The following CFAP299 variants were observed in gnomAD, a reference collection of about 807,000 sequenced individuals.
CFAP299 encodes the protein cilia- and flagella-associated protein 299.
CFAP299 carries 21 observed loss-of-function variants against 27.0 expected under a neutral mutation model. The observed-to-expected ratio is 0.78, with a 90% CI of 0.55 to 1.12. The LOEUF is 1.12. Among genes scored for constraint, CFAP299 ranks in the 50% most tolerant of loss-of-function variants. The pLI is 0.00. For missense variants in CFAP299, 310 were observed against 276.6 expected, an observed-to-expected ratio of 1.12 and a Z score of -0.86; for synonymous variants, 104 against 98.1, an observed-to-expected ratio of 1.06 and a Z score of -0.36.
At chr4:80,463,072 G>T (rs893416893) in intron 2 of CFAP299, among the ~76,000 whole-genome samples, 3 of 152,062 alleles carry the variant, frequency 2.0e-5, no homozygotes, top group Non-Finnish European at 4.4e-5. Context: ...AAAAGAAATT[G>T]CCTGCTTCCC....
chr4:80,555,826 G>T (rs1302464859), intron 2 of CFAP299, among the ~76,000 whole-genome samples: 1 of 151,992 alleles, frequency 6.6e-6, no homozygotes, highest in African/African-American at 2.4e-5. Context: ...TTTTATTTCT[G>T]TGGGGCCAGT....
At chr4:80,335,034 A>C (rs1722069073), upstream of CFAP299, among the ~76,000 whole-genome samples, 3 of 152,238 alleles carry the variant, frequency 2.0e-5, no homozygotes, top group African/African-American at 7.2e-5. Flanking sequence ...TTCATATTTT[A>C]AAAACACAAT....
intron 3 of CFAP299, among the ~76,000 whole-genome samples, chr4:80,693,053 G>A (rs1259352304): frequency 7.2e-5 from 11 of 152,266 alleles, no homozygotes; most frequent in Non-Finnish European, 1.5e-4. Flanking sequence ...AACAACAGGT[G>A]CTGGACAGGA....
chr4:80,846,640 T>C (rs1326039481), intron 3 of CFAP299, among the ~76,000 whole-genome samples: 1 of 152,196 alleles, frequency 6.6e-6, no homozygotes, highest in Non-Finnish European at 1.5e-5. Context: ...CAGATATTGA[T>C]TTATAGTTTC....
At chr4:80,870,932 A>T in intron 4 of CFAP299, 1 of 957,440 alleles carries the variant, frequency 1.0e-6, no homozygotes, top group Non-Finnish European at 1.2e-6. Flanking sequence ...TTTGAGATGG[A>T]GTCTCGCTCT....
chr4:80,483,558 A>G (rs548381227), intron 2 of CFAP299, among the ~76,000 whole-genome samples: 4 of 152,304 alleles, frequency 2.6e-5, no homozygotes, highest in South Asian at 2.1e-4. Flanking sequence ...GCAAGACTAA[A>G]ATATAGGTTA....
At chr4:80,326,353 G>A in the CFAP299 span, among the ~76,000 whole-genome samples, 1 of 152,178 alleles carries the variant, frequency 6.6e-6, no homozygotes, top group Admixed American at 6.5e-5. Flanking sequence ...GAAGAAGACA[G>A]GTGGGAATAA....
At chr4:80,328,462 T>A in the CFAP299 span, among the ~76,000 whole-genome samples, 2 of 148,746 alleles carry the variant, frequency 1.3e-5, no homozygotes, top group Non-Finnish European at 3.0e-5. Context: ...AGGACAAGAT[T>A]AATACCTAAG....
intron 2 of CFAP299, among the ~76,000 whole-genome samples, chr4:80,464,040 G>A (rs1224503698): frequency 6.6e-6 from 1 of 152,094 alleles, no homozygotes; most frequent in East Asian, 1.9e-4. Context: ...ATTTTTGGCT[G>A]TCTTTGACTA....
At chr4:80,557,483 T>A (rs1162352181) in intron 2 of CFAP299, among the ~76,000 whole-genome samples, 1 of 152,098 alleles carries the variant, frequency 6.6e-6, no homozygotes, top group African/African-American at 2.4e-5. Flanking sequence ...TAGAAGGTCC[T>A]ATCATTCTCT....
intron 3 of CFAP299, among the ~76,000 whole-genome samples, chr4:80,590,984 A>G (rs534105564): frequency 5.3e-5 from 8 of 151,996 alleles, no homozygotes; most frequent in Non-Finnish European, 7.4e-5. Context: ...CTACCTGAGT[A>G]TTAGGTATAA....
chr4:80,878,475 C>T (rs533850069), intron 4 of CFAP299, among the ~76,000 whole-genome samples: 10 of 152,102 alleles, frequency 6.6e-5, no homozygotes, highest in Non-Finnish European at 1.2e-4. Flanking sequence ...GTCTCATTAT[C>T]AGTGATGCTC....
At chr4:80,613,873 A>G (rs1738131730) in intron 3 of CFAP299, among the ~76,000 whole-genome samples, 1 of 152,224 alleles carries the variant, frequency 6.6e-6, no homozygotes, top group African/African-American at 2.4e-5. Context: ...TGAGACAAAA[A>G]TGATGGAGAA....
At chr4:80,685,397 A>G (rs1720117308) in intron 3 of CFAP299, among the ~76,000 whole-genome samples, 1 of 152,058 alleles carries the variant, frequency 6.6e-6, no homozygotes, top group Admixed American at 6.5e-5. Context: ...TGTGCTTGGG[A>G]ACTGAAACCT....
chr4:80,887,624 A>C (rs915955563), intron 4 of CFAP299, among the ~76,000 whole-genome samples: 1 of 152,192 alleles, frequency 6.6e-6, no homozygotes, highest in Non-Finnish European at 1.5e-5. Context: ...ATGAGCAAGA[A>C]GAAATCAACT....
At chr4:80,641,222 C>T (rs140670786) in intron 3 of CFAP299, among the ~76,000 whole-genome samples, 4 of 151,612 alleles carry the variant, frequency 2.6e-5, no homozygotes, top group Non-Finnish European at 5.9e-5. Flanking sequence ...TTTTCTTTTT[C>T]GAGACAGAGT....
At chr4:80,821,540 G>GC (rs1425662878) in intron 3 of CFAP299, among the ~76,000 whole-genome samples, 7 of 152,022 alleles carry the variant, frequency 4.6e-5, no homozygotes, top group Admixed American at 1.3e-4. Context: ...TTCCAGCTGG[G>GC]CCCCCCTTTG....
chr4:80,527,304 A>T (rs376250353), intron 2 of CFAP299, among the ~76,000 whole-genome samples: 1 of 138,580 alleles, frequency 7.2e-6, no homozygotes, highest in East Asian at 1.9e-4. Flanking sequence ...GTTTTTTTTT[A>T]AATAATAAAT....
At chr4:80,742,865 A>G (rs1215193835) in intron 3 of CFAP299, among the ~76,000 whole-genome samples, 1 of 152,198 alleles carries the variant, frequency 6.6e-6, no homozygotes, top group African/African-American at 2.4e-5. Context: ...TGAAAGCTCA[A>G]AAAAACACAA....
Sources: gnomAD v4.1 joint callset for allele counts (sites outside exome capture counted in the v4.1 genomes callset) on GRCh38, gnomAD v4.1.1 for gene constraint, MANE v1.5 for transcripts, NCBI Gene and HGNC (gene_info 2026-07-23, HGNC 2026-07-21) for gene names.